ZEB2: variants seen among roughly 807,000 people sequenced by gnomAD.
ZEB2 encodes zinc finger E-box binding homeobox 2.
In ZEB2, 6 loss-of-function variants were observed where a neutral mutation model predicts 99.9. The observed-to-expected ratio is 0.06, with a 90% CI of 0.03 to 0.12. The LOEUF (loss-of-function observed/expected upper bound fraction) is 0.12. Among genes scored for constraint, ZEB2 ranks in the 10% least tolerant of loss-of-function variants. The pLI, the probability that ZEB2 is intolerant of heterozygous loss-of-function variation, is 1.00. For synonymous variants in ZEB2, 517 were observed against 542.5 expected (o/e 0.95, Z 0.65); for missense variants, 969 against 1,502.8 (o/e 0.64, Z 5.87).
At chr2:144,477,444 C>G (rs950649647) in intron 2 of ZEB2, among the ~76,000 whole-genome samples, 7 of 152,150 alleles carry the variant, frequency 4.6e-5, no homozygotes, top group Non-Finnish European at 8.8e-5. Context: ...TTACTGTAAT[C>G]TCTGCCAGTA....
intron 2 of ZEB2, 107 bp downstream of exon 2, chr2:144,517,171 G>C (rs1705166702): frequency 6.8e-7 from 1 of 1,473,268 alleles, no homozygotes; most frequent in Non-Finnish European, 9.4e-7. Context: ...AGAGCCCTGG[G>C]CGCCGCCGCC....
chr2:144,511,809 G>C, intron 2 of ZEB2: 2 of 1,287,038 alleles, frequency 1.6e-6, no homozygotes, highest in Non-Finnish European at 1.0e-6. Context: ...GAAGTAAAGA[G>C]GGGGAATAGG....
chr2:144,488,145 T>C (rs1365535666), intron 2 of ZEB2, among the ~76,000 whole-genome samples: 1 of 152,218 alleles, frequency 6.6e-6, no homozygotes, highest in Non-Finnish European at 1.5e-5. Context: ...AGCATACCAA[T>C]CAATGCTTAG....
At chr2:144,434,155 A>C (rs1008131937) in intron 2 of ZEB2, among the ~76,000 whole-genome samples, 3 of 152,208 alleles carry the variant, frequency 2.0e-5, no homozygotes, top group Non-Finnish European at 4.4e-5. Context: ...CCAGAAGCAG[A>C]AACTCTATTG....
chr2:144,496,816 A>G (rs994519627), intron 2 of ZEB2: 7 of 152,194 alleles, frequency 4.6e-5, no homozygotes, highest in African/African-American at 1.7e-4. Context: ...GTACTCAACA[A>G]ATGTTAGATG....
At chr2:144,409,746 T>G (rs1703433282) in intron 4 of ZEB2, among the ~76,000 whole-genome samples, 1 of 152,038 alleles carries the variant, frequency 6.6e-6, no homozygotes, top group African/African-American at 2.4e-5. Flanking sequence ...AGAATTAGCC[T>G]GGCATGGTGG....
rs1176759929 is a variant in ZEB2 at position 144,511,680 on chromosome 2, T to C, written c.73+5598A>G. On this transcript the variant is annotated intron_variant, in intron 2 of 9. Transcript: ENST00000627532. ...TGGCATAAACAGAGCTATGTAAATA[T>C]ATACAAAATTCACAAATCACAGCAA... is the stretch of plus-strand genomic sequence containing the variant. 24 of 1,287,094 alleles carry C rather than the reference T, an allele frequency of 1.9e-5. No individual in the cohort carries two copies. The East Asian group carries it at 3.9e-4, about 21-fold the overall frequency. The allele number at this position is 1,287,094 out of a possible 1,614,324, so 79.7% of individuals were successfully genotyped here.
chr2:144,443,348 C>T (rs1050432415), intron 2 of ZEB2, among the ~76,000 whole-genome samples: 3 of 152,048 alleles, frequency 2.0e-5, no homozygotes, highest in Non-Finnish European at 4.4e-5. Flanking sequence ...ATTACTTTCA[C>T]TAAGTATATG....
chr2:144,480,011 C>T (rs1410219834), intron 2 of ZEB2, among the ~76,000 whole-genome samples: 4 of 152,016 alleles, frequency 2.6e-5, no homozygotes, highest in Non-Finnish European at 5.9e-5. Context: ...GTTGTGACCC[C>T]GCAAAGCACA....
chr2:144,437,309 A>C (rs747973800), intron 2 of ZEB2, among the ~76,000 whole-genome samples: 1 of 152,028 alleles, frequency 6.6e-6, no homozygotes. Context: ...AAGACCCCCA[A>C]AACAACTGCT....
At chr2:144,504,555 C>A (rs1388331677) in intron 2 of ZEB2, 1 of 151,998 alleles carries the variant, frequency 6.6e-6, no homozygotes, top group African/African-American at 2.4e-5. Context: ...TGATTTGATG[C>A]AAATACCTCC....
chr2:144,425,014 C>T (rs1009338347), intron 3 of ZEB2, 147 bp from the exon 4 acceptor site: 12 of 770,680 alleles, frequency 1.6e-5, no homozygotes, highest in Non-Finnish European at 2.6e-5. Context: ...TTTGTTCAGG[C>T]AATTGAATGA....
intron 2 of ZEB2, chr2:144,461,617 C>A (rs916102741): frequency 5.3e-5 from 8 of 152,210 alleles, no homozygotes; most frequent in African/African-American, 1.4e-4. Context: ...AAAAACAGAA[C>A]CGTTGCATAT....
intron 2 of ZEB2, among the ~76,000 whole-genome samples, chr2:144,448,550 C>G (rs1008401331): frequency 3.9e-5 from 6 of 152,122 alleles, no homozygotes; most frequent in Non-Finnish European, 7.3e-5. Context: ...TAAAAAGGGC[C>G]TTTATGGTTT....
chr2:144,441,715 C>A (rs1467842513), intron 2 of ZEB2, among the ~76,000 whole-genome samples: 1 of 152,090 alleles, frequency 6.6e-6, no homozygotes, highest in Non-Finnish European at 1.5e-5. Context: ...GACTAAGCCA[C>A]CTTTTTCTCT....
chr2:144,404,742 A>C, intron 5 of ZEB2, 94 bp downstream of exon 5: 1 of 1,465,792 alleles, frequency 6.8e-7, no homozygotes, highest in Non-Finnish European at 9.3e-7. Flanking sequence ...GCTGTTCTTC[A>C]AATTTTAAGG....
At chr2:144,472,966 G>A (rs1053818535) in intron 2 of ZEB2, among the ~76,000 whole-genome samples, 1 of 151,966 alleles carries the variant, frequency 6.6e-6, no homozygotes, top group African/African-American at 2.4e-5. Context: ...GAGAATGAAT[G>A]GACCAAAAAC....
intron 2 of ZEB2, among the ~76,000 whole-genome samples, chr2:144,466,053 C>T (rs13382811): frequency 0.21 from 31,711 of 152,144 alleles, 3,896 homozygotes; most frequent in African/African-American, 0.32. Context: ...TAGGCCTTCA[C>T]TACAAACCCC....
At chr2:144,500,505 T>C (rs911820708) in intron 2 of ZEB2, among the ~76,000 whole-genome samples, 3 of 152,218 alleles carry the variant, frequency 2.0e-5, no homozygotes, top group Non-Finnish European at 4.4e-5. Flanking sequence ...CTGCGGCGTA[T>C]ATTTTGGTAT....
Sources: gnomAD v4.1 joint callset for allele counts (sites outside exome capture counted in the v4.1 genomes callset) on GRCh38, gnomAD v4.1.1 for gene constraint, MANE v1.5 for transcripts, NCBI Gene and HGNC (gene_info 2026-07-23, HGNC 2026-07-21) for gene names.